The following FREM3 variants were observed in gnomAD, a reference collection of about 807,000 sequenced individuals.
The protein encoded by FREM3 is FRAS1 related extracellular matrix 3.
A neutral mutation model predicts 129.1 loss-of-function variants in FREM3; 105 were observed. That is an observed-to-expected ratio of 0.81 (90% CI 0.69 to 0.96). The LOEUF is 0.96. Among genes scored for constraint, FREM3 ranks in the 40% least tolerant of loss-of-function variants. The pLI, the probability that FREM3 is intolerant of heterozygous loss-of-function variation, is 0.00. For synonymous variants in FREM3, 1,014 were observed against 1,044.9 expected (o/e 0.97, Z 0.57); for missense variants, 2,593 against 2,666.3 (o/e 0.97, Z 0.61).
chr4:143,616,926 A>G (rs1237754995), intron 5 of FREM3, among the ~76,000 whole-genome samples: 1 of 152,216 alleles, frequency 6.6e-6, no homozygotes, highest in African/African-American at 2.4e-5. Flanking sequence ...AGTTCTTTTT[A>G]ACTGGATAGA....
intron 2 of FREM3, among the ~76,000 whole-genome samples, chr4:143,640,625 G>A (rs990347451): frequency 3.3e-5 from 5 of 152,136 alleles, no homozygotes; most frequent in Admixed American, 6.5e-5. Flanking sequence ...AGCTGAGATC[G>A]TGCCATTGCA....
chr4:143,697,302 G>T lies in FREM3; in HGVS notation c.3374C>A (p.Pro1125His). 6.5e-7 allele frequency: 1 copy of T among 1,537,286 alleles called. No homozygotes were observed. Among genetic ancestry groups the T allele is most frequent in the African/African-American group, 1.4e-5 (1 of 73,166 alleles). ...ACCAGACTGGGACATTTTTGAACCA[G>T]GAGCTGATGCAATCTTTTCCAGGTA... ...SGYLEKIASA[P>H]GSKMSQSGSP... The change falls in exon 1 of 8, where the codon CCT becomes CAT. Residue 1125 changes from proline to histidine, a missense_variant. By Grantham distance (77) the Pro-to-His change is moderately conservative. Coordinates refer to ENST00000329798, the MANE Select transcript of FREM3 (RefSeq NM_001168235.2).
chr4:143,688,106 T>C (rs1476192885), intron 2 of FREM3, among the ~76,000 whole-genome samples: 5 of 152,074 alleles, frequency 3.3e-5, no homozygotes, highest in African/African-American at 9.7e-5. Flanking sequence ...TCATTTACCT[T>C]GAAAACCCTA....
chr4:143,577,942 G>A lies in FREM3; in HGVS notation c.6179-90C>T, dbSNP rs1268391583. The A allele has an allele frequency of 5.2e-6, 7 of 1,334,870 alleles. 1 individual carries two copies. Among genetic ancestry groups the A allele is most frequent in the South Asian group, 4.4e-5 (3 of 67,678 alleles). 82.7% of individuals were successfully genotyped at this position (1,334,870 alleles called of 1,614,324 possible). The stretch of plus-strand genomic sequence containing the variant: ...AAATGAGAGCTCTCACCAACTCTGC[G>A]GCATTCACCTTTGTACCCAACACTC... On this transcript the variant is annotated intron_variant, in intron 7 of 7. Transcript: ENST00000329798.
At chr4:143,638,949 T>C in intron 2 of FREM3, among the ~76,000 whole-genome samples, 1 of 152,148 alleles carries the variant, frequency 6.6e-6, no homozygotes, top group East Asian at 1.9e-4. Context: ...GATCTTGTGA[T>C]TGCTGTGTGA....
intron 3 of FREM3, among the ~76,000 whole-genome samples, chr4:143,626,234 A>G (rs1739035109): frequency 6.6e-6 from 1 of 152,206 alleles, no homozygotes; most frequent in Non-Finnish European, 1.5e-5. Context: ...TGACTACCAT[A>G]TGCCCCATGC....
At chr4:143,594,317 G>A (rs779747642) in intron 6 of FREM3, among the ~76,000 whole-genome samples, 39 of 152,128 alleles carry the variant, frequency 2.6e-4, no homozygotes, top group Non-Finnish European at 4.6e-4. Context: ...CTTCTGTGTC[G>A]CTCACGCTGG....
intron 5 of FREM3, among the ~76,000 whole-genome samples, chr4:143,614,891 A>G (rs949994253): frequency 6.6e-6 from 1 of 152,206 alleles, no homozygotes; most frequent in East Asian, 1.9e-4. Context: ...AGCAGTTACT[A>G]GCTGGATCCA....
chr4:143,683,816 T>TG (rs971027083), intron 2 of FREM3, among the ~76,000 whole-genome samples: 6 of 152,150 alleles, frequency 3.9e-5, no homozygotes, highest in African/African-American at 1.4e-4. Context: ...GGGGCTGTTG[T>TG]GGGGGGCATG....
intron 2 of FREM3, among the ~76,000 whole-genome samples, chr4:143,663,915 A>T (rs552768941): frequency 5.9e-5 from 9 of 152,114 alleles, no homozygotes; most frequent in African/African-American, 2.2e-4. Flanking sequence ...GTAGTTCTCG[A>T]GCCTTGGCTT....
chr4:143,635,975 C>T (rs1739226726), intron 2 of FREM3, among the ~76,000 whole-genome samples: 1 of 152,078 alleles, frequency 6.6e-6, no homozygotes, highest in South Asian at 2.1e-4. Flanking sequence ...CACAGTAGCT[C>T]TCTGGCCTTA....
intron 6 of FREM3, among the ~76,000 whole-genome samples, chr4:143,593,057 A>G (rs1427684389): frequency 6.6e-6 from 1 of 151,884 alleles, no homozygotes; most frequent in Non-Finnish European, 1.5e-5. Context: ...TGCATTCATC[A>G]CATTCTCGTG....
Position 143,586,004 on chromosome 4 carries a change from A to G in FREM3, c.6029-11T>C. The G allele has an allele frequency of 3.3e-6, 5 of 1,536,530 alleles. No homozygotes were observed. The Middle Eastern group carries it at 5.0e-4, about 154-fold the overall frequency. On this transcript the variant is annotated splice_polypyrimidine_tract_variant and intron_variant, in intron 6 of 7. Coordinates refer to ENST00000329798, the MANE Select transcript of FREM3 (RefSeq NM_001168235.2). ...AGTGCAGGACAGGTTCTAAAGAGGCAAAAAAAGATACACTAAGAATGCTTC... is the reference window on the plus strand; with the variant it reads ...AGTGCAGGACAGGTTCTAAAGAGGCGAAAAAAGATACACTAAGAATGCTTC...
intron 4 of FREM3, among the ~76,000 whole-genome samples, chr4:143,623,493 T>TC (rs35964270): frequency 0.02 from 1,362 of 68,362 alleles, 38 homozygotes; most frequent in East Asian, 0.044. Context: ...TGAATACTAA[T>TC]CCCCCCCCCC....
chr4:143,691,098 G>A (rs1329867998), intron 2 of FREM3, among the ~76,000 whole-genome samples: 1 of 152,150 alleles, frequency 6.6e-6, no homozygotes, highest in African/African-American at 2.4e-5. Context: ...AAAATCCACT[G>A]GATAAATGAA....
At chr4:143,607,285 C>T (rs868729659) in intron 6 of FREM3, among the ~76,000 whole-genome samples, 13 of 152,240 alleles carry the variant, frequency 8.5e-5, no homozygotes, top group Middle Eastern at 3.4e-3. Flanking sequence ...CTGTTTCCTC[C>T]AGCTGAAATG....
At chr4:143,687,207 C>T (rs548758483) in intron 2 of FREM3, among the ~76,000 whole-genome samples, 17 of 152,182 alleles carry the variant, frequency 1.1e-4, no homozygotes, top group African/African-American at 3.9e-4. Context: ...GCATTCAAGG[C>T]TGCTACGAAC....
intron 2 of FREM3, among the ~76,000 whole-genome samples, chr4:143,645,677 C>T (rs183438721): frequency 6.6e-6 from 1 of 152,198 alleles, no homozygotes; most frequent in Non-Finnish European, 1.5e-5. Context: ...GCCTTTCCTA[C>T]AGATTTTGTA....
At chr4:143,655,802 A>G (rs1739589959) in intron 2 of FREM3, among the ~76,000 whole-genome samples, 1 of 152,214 alleles carries the variant, frequency 6.6e-6, no homozygotes, top group Admixed American at 6.5e-5. Context: ...GGCCCAGGGC[A>G]TAGCTAGAGG....
Sources: allele counts gnomAD v4.1 joint callset (sites outside exome capture counted in the v4.1 genomes callset), GRCh38; gene constraint gnomAD v4.1.1; transcripts MANE v1.5; gene names NCBI Gene and HGNC (gene_info 2026-07-23, HGNC 2026-07-21).